Variants in CSNK2A2IP observed in about 807,000 individuals in gnomAD.
The protein encoded by CSNK2A2IP is casein kinase 2 subunit alpha' interacting protein.
At chr3:88,383,746 C>T in the CSNK2A2IP span, among the ~76,000 whole-genome samples, 2 of 150,836 alleles carry the variant, frequency 1.3e-5, no homozygotes, top group African/African-American at 4.9e-5. Flanking sequence ...TCACTGCAAC[C>T]TCCGCCTCCC....
At chr3:88,443,123 T>C in the CSNK2A2IP span, among the ~76,000 whole-genome samples, 1 of 152,130 alleles carries the variant, frequency 6.6e-6, no homozygotes, top group Non-Finnish European at 1.5e-5. Context: ...CTTTCAAATT[T>C]AATGATTTTA....
the CSNK2A2IP span, among the ~76,000 whole-genome samples, chr3:88,423,058 C>T: frequency 2.6e-5 from 4 of 152,240 alleles, no homozygotes; most frequent in South Asian, 6.2e-4. Context: ...TGTTGTCCAG[C>T]GTGGAATACT....
the CSNK2A2IP span, among the ~76,000 whole-genome samples, chr3:88,369,494 G>A: frequency 3.4e-4 from 51 of 152,088 alleles, no homozygotes; most frequent in African/African-American, 1.2e-3. Context: ...GGTAGAAAGT[G>A]TAACATTGTG....
At chr3:88,449,874 T>TATAGAGAGAGAGAG in the CSNK2A2IP span, among the ~76,000 whole-genome samples, 4 of 70,106 alleles carry the variant, frequency 5.7e-5, no homozygotes, top group African/African-American at 1.9e-4. Flanking sequence ...TATATATATA[T>TATAGAGAGAGAGAG]AGAGAGAGAG....
At chr3:88,455,425 G>A in the CSNK2A2IP span, among the ~76,000 whole-genome samples, 1 of 151,812 alleles carries the variant, frequency 6.6e-6, no homozygotes, top group Admixed American at 6.6e-5. Flanking sequence ...TTATCTCATT[G>A]TAGTTTTTGA....
At chr3:88,427,707 T>C in the CSNK2A2IP span, among the ~76,000 whole-genome samples, 1 of 152,134 alleles carries the variant, frequency 6.6e-6, no homozygotes, top group Non-Finnish European at 1.5e-5. Flanking sequence ...ATTGGGCCTG[T>C]GGGTGCATGG....
At chr3:88,396,058 A>C in the CSNK2A2IP span, among the ~76,000 whole-genome samples, 1 of 151,368 alleles carries the variant, frequency 6.6e-6, no homozygotes, top group Non-Finnish European at 1.5e-5. Flanking sequence ...ACAGACATTG[A>C]TAAAAGAGTC....
chr3:88,448,437 C>A, the CSNK2A2IP span, among the ~76,000 whole-genome samples: 1 of 152,152 alleles, frequency 6.6e-6, no homozygotes, highest in African/African-American at 2.4e-5. Flanking sequence ...TCCTAGGTAA[C>A]CCCTAGATCC....
chr3:88,458,141 G>GTTTTTTTTTGTGTTTTTT, the CSNK2A2IP span, among the ~76,000 whole-genome samples: 9 of 83,302 alleles, frequency 1.1e-4, no homozygotes, highest in African/African-American at 4.9e-4. Context: ...TGTAATTGTG[G>GTTTTTTTTTGTGTTTTTT]TTTTTTTTTT....
At chr3:88,445,489 G>A in the CSNK2A2IP span, among the ~76,000 whole-genome samples, 1 of 152,142 alleles carries the variant, frequency 6.6e-6, no homozygotes, top group African/African-American at 2.4e-5. Flanking sequence ...CAACCATTTT[G>A]TTAGAACTAT....
chr3:88,339,979 T>C, the CSNK2A2IP span, among the ~76,000 whole-genome samples: 1 of 151,992 alleles, frequency 6.6e-6, no homozygotes, highest in South Asian at 2.1e-4. Context: ...AAAGCTAATG[T>C]TTTTAGATAT....
At chr3:88,450,718 C>G in the CSNK2A2IP span, among the ~76,000 whole-genome samples, 1 of 151,870 alleles carries the variant, frequency 6.6e-6, no homozygotes, top group Admixed American at 6.6e-5. Flanking sequence ...TTTTAGGGTA[C>G]ATGTGGAGTA....
At chr3:88,465,659 C>T in the CSNK2A2IP span, 4 of 1,231,628 alleles carry the variant, frequency 3.2e-6, no homozygotes, top group Non-Finnish European at 4.0e-6. Flanking sequence ...CAGAACACAC[C>T]TTCAATAGGC....
At chr3:88,361,129 A>C in the CSNK2A2IP span, among the ~76,000 whole-genome samples, 4 of 152,140 alleles carry the variant, frequency 2.6e-5, no homozygotes, top group East Asian at 7.7e-4. Flanking sequence ...TACTAAATTT[A>C]TGAGTTGTTT....
chr3:88,380,170 A>G, the CSNK2A2IP span, among the ~76,000 whole-genome samples: 1 of 152,134 alleles, frequency 6.6e-6, no homozygotes, highest in Non-Finnish European at 1.5e-5. Flanking sequence ...AAGAATTAAT[A>G]GAAATAAATT....
At chr3:88,427,245 C>T in the CSNK2A2IP span, among the ~76,000 whole-genome samples, 1 of 152,276 alleles carries the variant, frequency 6.6e-6, no homozygotes, top group African/African-American at 2.4e-5. Context: ...CCCTAGAGAT[C>T]TGTGGAAATT....
At chr3:88,371,080 A>T in the CSNK2A2IP span, among the ~76,000 whole-genome samples, 2 of 151,464 alleles carry the variant, frequency 1.3e-5, no homozygotes, top group Non-Finnish European at 2.9e-5. Context: ...ACTCTATGGT[A>T]TTTGGTTATG....
chr3:88,444,230 A>C, the CSNK2A2IP span, among the ~76,000 whole-genome samples: 1 of 151,112 alleles, frequency 6.6e-6, no homozygotes, highest in Non-Finnish European at 1.5e-5. Flanking sequence ...GAGCTTAAAC[A>C]AAAAACTTTT....
chr3:88,430,755 A>G, the CSNK2A2IP span, among the ~76,000 whole-genome samples: 1,386 of 152,276 alleles, frequency 9.1e-3, 14 homozygotes, highest in Non-Finnish European at 0.014. Context: ...AGTAGTAACA[A>G]CAATGTTCAA....
Sources: allele counts gnomAD v4.1 joint callset (sites outside exome capture counted in the v4.1 genomes callset), GRCh38; gene constraint gnomAD v4.1.1; transcripts MANE v1.5; gene names NCBI Gene and HGNC (gene_info 2026-07-23, HGNC 2026-07-21).